The following AASS variants were observed in gnomAD, a reference collection of about 807,000 sequenced individuals.
AASS encodes the protein alpha-aminoadipic semialdehyde synthase, mitochondrial.
In AASS, 86 loss-of-function variants were observed where a neutral mutation model predicts 105.4. That is an observed-to-expected ratio of 0.82 (90% CI 0.69 to 0.98). The LOEUF is 0.98. Among genes scored for constraint, AASS ranks in the 50% least tolerant of loss-of-function variants. The probability of loss-of-function intolerance (pLI) is 0.00; values close to 1 mark genes in which losing one functional copy is unlikely to be tolerated. For missense variants in AASS, 1,048 were observed against 1,143.2 expected, an observed-to-expected ratio of 0.92 and a Z score of 1.20; for synonymous variants, 381 against 394.8, an observed-to-expected ratio of 0.96 and a Z score of 0.41.
chr7:122,089,941 T>C (rs1048410104), intron 18 of AASS, among the ~76,000 whole-genome samples: 3 of 152,206 alleles, frequency 2.0e-5, no homozygotes, highest in East Asian at 1.9e-4. Flanking sequence ...TCTCTTAAGA[T>C]TGCAGAAGGT....
chr7:122,129,000 C>G (rs954342154), intron 3 of AASS, among the ~76,000 whole-genome samples: 1 of 152,118 alleles, frequency 6.6e-6, no homozygotes, highest in Non-Finnish European at 1.5e-5. Flanking sequence ...ATCACCTGAA[C>G]CTGGGAGGCG....
At chr7:122,137,819 T>A (rs1796221161) in intron 1 of AASS, among the ~76,000 whole-genome samples, 1 of 152,154 alleles carries the variant, frequency 6.6e-6, no homozygotes, top group South Asian at 2.1e-4. Context: ...TCAATGTATA[T>A]TTCTGGAATG....
chr7:122,079,755 A>AT (rs745379094), intron 20 of AASS, 43 bp from the exon 21 acceptor site: 301 of 1,410,524 alleles, frequency 2.1e-4, no homozygotes, highest in African/African-American at 2.8e-4. Context: ...TCCCTAACAA[A>AT]TTTTTTTTTA....
At position 122,110,109 on chromosome 7, in the gene AASS, A is replaced by G. The variant is rs180925937; in HGVS notation, c.1278+3009T>C. Among the ~76,000 whole-genome samples, 42 of 152,190 alleles carry G rather than the reference A, an allele frequency of 2.8e-4. No homozygotes were observed. The East Asian group carries it at 8.1e-3, about 29-fold the overall frequency. On this transcript the variant is annotated intron_variant, in intron 11 of 23. Transcript: ENST00000417368. ...AAAAGAAAGGTTAACTAAGCTCTCAATAAAGTAAAATAAAGAATATAGTAT... is the reference window on the plus strand; with the variant it reads ...AAAAGAAAGGTTAACTAAGCTCTCAGTAAAGTAAAATAAAGAATATAGTAT...
At chr7:122,081,627 A>C (rs372939523) in intron 19 of AASS, 32 bp from the exon 20 acceptor site, 12 of 1,507,846 alleles carry the variant, frequency 8.0e-6, no homozygotes, top group Non-Finnish European at 1.1e-5. Flanking sequence ...AGTATATAAA[A>C]TTTTTCTCTT....
chr7:122,136,782 G>A (rs1170686971), intron 1 of AASS, among the ~76,000 whole-genome samples: 2 of 152,206 alleles, frequency 1.3e-5, no homozygotes, highest in Admixed American at 6.5e-5. Context: ...GGAGGAACAT[G>A]TGGAGATAAT....
chr7:122,100,957 C>T (rs1794396672), intron 13 of AASS, among the ~76,000 whole-genome samples: 1 of 151,790 alleles, frequency 6.6e-6, no homozygotes, highest in African/African-American at 2.4e-5. Flanking sequence ...GAACATTATA[C>T]TAAACAAAAG....
chr7:122,132,901 C>T (rs1354505389), intron 2 of AASS, among the ~76,000 whole-genome samples: 1 of 151,908 alleles, frequency 6.6e-6, no homozygotes, highest in Non-Finnish European at 1.5e-5. Flanking sequence ...CTTCATTAAG[C>T]CTCAATTAAA....
chr7:122,086,265 A>G, intron 18 of AASS, 86 bp from the exon 19 acceptor site: 1 of 1,355,400 alleles, frequency 7.4e-7, no homozygotes, highest in Non-Finnish European at 1.0e-6. Context: ...AAAGAAAGCA[A>G]CAGAAATTTG....
At chr7:122,114,825 T>TG (rs974243779) in intron 9 of AASS, among the ~76,000 whole-genome samples, 1 of 152,084 alleles carries the variant, frequency 6.6e-6, no homozygotes, top group African/African-American at 2.4e-5. Flanking sequence ...GAGGTCTGCT[T>TG]GGGGTCCAGA....
chr7:122,121,891 T>C lies in AASS; in HGVS notation c.473-3261A>G, dbSNP rs181620148. ...GTTTAATCTTCATTTTCTAGAAAGA[T>C]GTCCAGAAAGATATTGAAAAGATAT... On this transcript the variant is annotated intron_variant, in intron 4 of 23. Transcript: ENST00000417368. 4.0e-3 allele frequency among the ~76,000 whole-genome samples: 606 copies of C among 152,222 alleles called. 2 individuals carry two copies. Among genetic ancestry groups the C allele is most frequent in the African/African-American group, 0.014 (561 of 41,548 alleles).
intron 15 of AASS, among the ~76,000 whole-genome samples, chr7:122,098,001 C>A (rs905623817): frequency 6.6e-6 from 1 of 151,866 alleles, no homozygotes; most frequent in Non-Finnish European, 1.5e-5. Flanking sequence ...TACTATACAG[C>A]AATGAGAATG....
chr7:122,083,501 G>A (rs1035573147), intron 19 of AASS, among the ~76,000 whole-genome samples: 3 of 152,066 alleles, frequency 2.0e-5, no homozygotes, highest in African/African-American at 7.2e-5. Flanking sequence ...AGGCCACAGA[G>A]ATGAAAAAAT....
At chr7:122,144,096 A>G (rs1424947098) in intron 1 of AASS, 65 bp downstream of exon 1, 1 of 151,994 alleles carries the variant, frequency 6.6e-6, no homozygotes, top group Non-Finnish European at 1.5e-5. Flanking sequence ...TCTCCACCGC[A>G]TCTCACAGGC....
rs1793618075 is a variant in AASS, at chr7:122,086,236, T to C, written c.2017-57A>G. On this transcript the variant is annotated intron_variant, in intron 18 of 23. Coordinates refer to ENST00000417368, the MANE Select transcript of AASS (RefSeq NM_005763.4). ...TACAGCTGTTCCTTTCTTTTAGGGC[T>C]TATCTGCATTATACGAACAAAGAAA... is the stretch of plus-strand genomic sequence containing the variant. 69 of 1,523,796 alleles carry C rather than the reference T, an allele frequency of 4.5e-5. 1 individual carries two copies. In the South Asian group the frequency reaches 7.9e-4, roughly 17 times the overall value. 94.4% of individuals were successfully genotyped at this position (1,523,796 alleles called of 1,614,324 possible).
chr7:122,117,650 T>C (rs902020468), intron 6 of AASS, among the ~76,000 whole-genome samples: 3 of 149,728 alleles, frequency 2.0e-5, no homozygotes, highest in African/African-American at 5.1e-5. Flanking sequence ...ATTTATTTAT[T>C]TATTTATTTA....
chr7:122,114,946 A>T, intron 9 of AASS, 128 bp downstream of exon 9: 8 of 1,270,758 alleles, frequency 6.3e-6, no homozygotes, highest in Non-Finnish European at 9.2e-6. Flanking sequence ...AGTACTGCCA[A>T]GAGGTCAAGA....
intron 1 of AASS, among the ~76,000 whole-genome samples, chr7:122,137,259 C>A (rs1382167560): frequency 6.6e-6 from 1 of 152,120 alleles, no homozygotes; most frequent in East Asian, 1.9e-4. Context: ...GAACTGGAAT[C>A]ATATAGGATC....
intron 18 of AASS, among the ~76,000 whole-genome samples, chr7:122,091,278 C>G (rs1041314612): frequency 6.6e-6 from 1 of 152,130 alleles, no homozygotes; most frequent in Non-Finnish European, 1.5e-5. Context: ...ACACCAAACC[C>G]TCCATTCCAA....
Sources: gnomAD v4.1 joint callset for allele counts (sites outside exome capture counted in the v4.1 genomes callset) on GRCh38, gnomAD v4.1.1 for gene constraint, MANE v1.5 for transcripts, NCBI Gene and HGNC (gene_info 2026-07-23, HGNC 2026-07-21) for gene names.